PDHX: variants seen among roughly 807,000 people sequenced by gnomAD.
The protein encoded by PDHX is pyruvate dehydrogenase protein X component, mitochondrial.
Under a neutral mutation model 55.3 loss-of-function variants are expected in PDHX, and 33 were observed. That is an observed-to-expected ratio of 0.60 (90% CI 0.45 to 0.80). The LOEUF (loss-of-function observed/expected upper bound fraction) is 0.80, where lower values mean the gene tolerates loss of function less well. Ranked by LOEUF, PDHX falls within the 30% of genes least tolerant of loss-of-function variation. PDHX has a pLI of 0.00. For missense variants in PDHX, 622 were observed against 619.9 expected, an observed-to-expected ratio of 1.00 and a Z score of -0.04; for synonymous variants, 226 against 219.4, an observed-to-expected ratio of 1.03 and a Z score of -0.27.
At chr11:34,949,256 G>C (rs12276679) in intron 3 of PDHX, among the ~76,000 whole-genome samples, 8,145 of 152,012 alleles carry the variant, frequency 0.054, 316 homozygotes, top group African/African-American at 0.11. Flanking sequence ...TTTTGTTTTT[G>C]TTTTTGTTTG....
chr11:34,980,348 G>GTTTTTTTTTTTTT (rs1319243948), intron 8 of PDHX, among the ~76,000 whole-genome samples: 16 of 30,470 alleles, frequency 5.3e-4, no homozygotes, highest in African/African-American at 1.5e-3. Context: ...GTTTAAGATA[G>GTTTTTTTTTTTTT]TTTCTTTTTT....
At position 34,939,799 on chromosome 11, in the gene PDHX, G is replaced by A. The variant is rs554506028; in HGVS notation, c.242-7707G>A. ...AAAATAAGTTTTATAATGACTATTA[G>A]AGTACTTCATTTCAGTCTGAGGATT... On this transcript the variant is annotated intron_variant, in intron 2 of 10. Transcript: ENST00000227868. Among the ~76,000 whole-genome samples, 15 of 152,086 alleles carry A rather than the reference G, an allele frequency of 9.9e-5. No individual in the cohort carries two copies. In the South Asian group the frequency reaches 3.1e-3, roughly 32 times the overall value.
chr11:34,987,744 G>T (rs1351914842), intron 9 of PDHX, among the ~76,000 whole-genome samples: 1 of 151,520 alleles, frequency 6.6e-6, no homozygotes, highest in Non-Finnish European at 1.5e-5. Flanking sequence ...GTGTGTGTGT[G>T]TGTGTATGTG....
At chr11:34,988,906 T>C (rs1224541248) in intron 9 of PDHX, among the ~76,000 whole-genome samples, 2 of 152,240 alleles carry the variant, frequency 1.3e-5, no homozygotes, top group East Asian at 1.9e-4. Context: ...TTATTAGTTA[T>C]TGTTAATCTC....
At chr11:34,916,214 G>A (rs1458138532), upstream of PDHX, 27 of 1,607,690 alleles carry the variant, frequency 1.7e-5, no homozygotes, top group East Asian at 2.2e-5. Context: ...GGGCACCGGT[G>A]GCCCCGCCCC....
chr11:34,922,009 C>A (rs1334805790), intron 1 of PDHX, among the ~76,000 whole-genome samples: 1 of 152,168 alleles, frequency 6.6e-6, no homozygotes, highest in Non-Finnish European at 1.5e-5. Context: ...AGTGGATGAC[C>A]ACTTTGGAAC....
intron 3 of PDHX, among the ~76,000 whole-genome samples, chr11:34,956,247 C>T (rs577490964): frequency 4.6e-5 from 7 of 152,076 alleles, no homozygotes; most frequent in South Asian, 2.1e-4. Context: ...AGCATTGCTG[C>T]TTTTCTTCTT....
chr11:34,993,914 AGTTAT>A (rs1290091228), intron 10 of PDHX, among the ~76,000 whole-genome samples: 1 of 152,044 alleles, frequency 6.6e-6, no homozygotes, highest in Non-Finnish European at 1.5e-5. Context: ...GATTTCTTTC[AGTTAT>A]GTTTTATAAT....
rs957283085 is a variant in PDHX, at chr11:34,921,147, T to C, written c.160+4332T>C. Among the ~76,000 whole-genome samples, 9 of 152,320 alleles carry C rather than the reference T, an allele frequency of 5.9e-5. 1 individual carries two copies. The South Asian group carries it at 1.2e-3, about 21-fold the overall frequency. On this transcript the variant is annotated intron_variant, in intron 1 of 10. Coordinates refer to ENST00000227868, the MANE Select transcript of PDHX (RefSeq NM_003477.3). ...ACATGTAGAATAGCTCTAGTAAAAG[T>C]AGGATTTATTAAAAGGATAGAACAT...
intron 5 of PDHX, among the ~76,000 whole-genome samples, chr11:34,961,343 T>C: frequency 6.6e-6 from 1 of 152,198 alleles, no homozygotes; most frequent in East Asian, 1.9e-4. Context: ...TGAAACTTAG[T>C]CTAGTAGGGT....
intron 2 of PDHX, among the ~76,000 whole-genome samples, chr11:34,944,664 G>A (rs1854580796): frequency 6.6e-6 from 1 of 152,104 alleles, no homozygotes. Flanking sequence ...TAGTGTTTTA[G>A]ATTTTCTTTC....
At chr11:34,994,211 A>G (rs1368250056) in intron 10 of PDHX, among the ~76,000 whole-genome samples, 1 of 152,206 alleles carries the variant, frequency 6.6e-6, no homozygotes, top group East Asian at 1.9e-4. Context: ...TAGCTGTATG[A>G]TATAGCCAGT....
At chr11:34,947,065 GT>G (rs1221185809) in intron 2 of PDHX, among the ~76,000 whole-genome samples, 2 of 152,210 alleles carry the variant, frequency 1.3e-5, no homozygotes, top group Admixed American at 1.3e-4. Context: ...CTGCCAACAG[GT>G]TTTTTGAACT....
At chr11:34,992,204 C>T in intron 9 of PDHX, 111 bp from the exon 10 acceptor site, 1 of 645,484 alleles carries the variant, frequency 1.5e-6, no homozygotes, top group Middle Eastern at 3.6e-4. Flanking sequence ...GTAACAAAAT[C>T]AAATCAAGGC....
chr11:34,954,786 G>A (rs1390615135), intron 3 of PDHX, among the ~76,000 whole-genome samples: 1 of 152,074 alleles, frequency 6.6e-6, no homozygotes, highest in East Asian at 1.9e-4. Flanking sequence ...CTATTCTAAG[G>A]GCCTTACATA....
At chr11:34,985,658 C>T (rs986681644) in intron 9 of PDHX, among the ~76,000 whole-genome samples, 1 of 152,142 alleles carries the variant, frequency 6.6e-6, no homozygotes, top group African/African-American at 2.4e-5. Context: ...AAAGTGATTG[C>T]ATCGAAAATT....
chr11:34,955,565 T>C (rs948336974), intron 3 of PDHX, among the ~76,000 whole-genome samples: 2 of 152,088 alleles, frequency 1.3e-5, no homozygotes, highest in Non-Finnish European at 1.5e-5. Context: ...CTTTTTTAAA[T>C]AGAAAAAAAT....
intron 8 of PDHX, among the ~76,000 whole-genome samples, chr11:34,980,560 C>G (rs955579947): frequency 6.6e-6 from 1 of 151,522 alleles, no homozygotes; most frequent in Non-Finnish European, 1.5e-5. Flanking sequence ...TTTAGTTTCT[C>G]TTTTACTTTA....
rs557137445 is a variant in PDHX, at chr11:34,983,604, A to G, written c.1024-966A>G. ...CAGAATACACAATCAATGTGCAAAAATCACAATCATTCTTATACACCAATA... is the reference window on the plus strand; with the variant it reads ...CAGAATACACAATCAATGTGCAAAAGTCACAATCATTCTTATACACCAATA... On this transcript the variant is annotated intron_variant, in intron 8 of 10. Coordinates refer to ENST00000227868, the MANE Select transcript of PDHX (RefSeq NM_003477.3). 6.6e-5 allele frequency among the ~76,000 whole-genome samples: 10 copies of G among 150,868 alleles called. No individual in the cohort carries two copies. The East Asian group carries it at 1.9e-3, about 29-fold the overall frequency.
Sources: allele counts gnomAD v4.1 joint callset (sites outside exome capture counted in the v4.1 genomes callset), GRCh38; gene constraint gnomAD v4.1.1; transcripts MANE v1.5; gene names NCBI Gene and HGNC (gene_info 2026-07-23, HGNC 2026-07-21).